The following BCL6 variants were observed in gnomAD, a reference collection of about 807,000 sequenced individuals.
BCL6 encodes B-cell lymphoma 6 protein.
BCL6 carries 7 observed loss-of-function variants against 59.5 expected under a neutral mutation model. The ratio of observed to expected loss-of-function variants is 0.12; its 90% CI spans 0.07 to 0.22. The LOEUF (loss-of-function observed/expected upper bound fraction) is 0.22. Ranked by LOEUF, BCL6 falls within the 10% of genes least tolerant of loss-of-function variation. BCL6 has a pLI of 1.00. For missense variants in BCL6, 685 were observed against 939.4 expected (o/e 0.73, Z 3.54); for synonymous variants, 339 against 349.7 (o/e 0.97, Z 0.34).
intron 1 of BCL6, among the ~76,000 whole-genome samples, chr3:187,738,496 C>A (rs1579825165): frequency 6.6e-6 from 1 of 152,356 alleles, no homozygotes; most frequent in Non-Finnish European, 1.5e-5. Context: ...TCCCCGAAAC[C>A]GTAGAGACAC....
At chr3:187,741,913 G>T (rs6782256) in intron 1 of BCL6, among the ~76,000 whole-genome samples, 3,748 of 151,938 alleles carry the variant, frequency 0.025, 78 homozygotes, top group African/African-American at 0.058. Flanking sequence ...AATCCAAGGG[G>T]AAGGCCGGGC....
chr3:187,743,803 G>A (rs1463839385), intron 1 of BCL6, among the ~76,000 whole-genome samples: 1 of 150,476 alleles, frequency 6.6e-6, no homozygotes, highest in Admixed American at 6.6e-5. Context: ...CCCTCCCCGG[G>A]CCGCCGCCGC....
intron 1 of BCL6, 142 bp downstream of exon 1, chr3:187,745,268 A>T (rs1436065384): frequency 2.5e-6 from 1 of 398,446 alleles, no homozygotes; most frequent in Admixed American, 4.4e-5. Flanking sequence ...CTTGGAGCCA[A>T]AGCATTTGGC....
intron 1 of BCL6, among the ~76,000 whole-genome samples, chr3:187,745,080 G>T: frequency 6.6e-6 from 1 of 151,866 alleles, no homozygotes; most frequent in East Asian, 1.9e-4. Flanking sequence ...AGGGAGGGTG[G>T]CAAAAGCCTC....
At chr3:187,726,966 C>G in intron 6 of BCL6, 68 bp from the exon 7 acceptor site, 2 of 1,553,960 alleles carry the variant, frequency 1.3e-6, no homozygotes, top group Admixed American at 3.4e-5. Flanking sequence ...TAAGGCCGCT[C>G]TCCTCTGTAG....
intron 1 of BCL6, among the ~76,000 whole-genome samples, chr3:187,742,959 G>T (rs1190290708): frequency 6.6e-6 from 1 of 152,050 alleles, no homozygotes. Context: ...AGTGCCAAAG[G>T]CTCTTGGTAG....
At position 187,728,062 on chromosome 3, in the gene BCL6, C is replaced by T. The variant is rs111299902; in HGVS notation, c.1540+298G>A. 1.3e-3 allele frequency among the ~76,000 whole-genome samples: 199 copies of T among 152,296 alleles called. 1 individual carries two copies. The highest frequency in any genetic ancestry group is 4.6e-3 in the African/African-American group (191 of 41,562). On this transcript the variant is annotated intron_variant, in intron 6 of 9. Transcript: ENST00000406870. The stretch of plus-strand genomic sequence containing the variant: ...TTTTGGTATAGAGGAATGGAGAAAG[C>T]TCTGGGAGTTACAGCCAGCCCCACA...
At chr3:187,722,623 A>G in intron 9 of BCL6, 22 bp from the exon 10 acceptor site, 1 of 1,608,264 alleles carries the variant, frequency 6.2e-7, no homozygotes, top group South Asian at 1.1e-5. Flanking sequence ...TCAGAGGCAA[A>G]CTGTTAGCTG....
At chr3:187,744,658 A>T in intron 1 of BCL6, among the ~76,000 whole-genome samples, 2 of 152,220 alleles carry the variant, frequency 1.3e-5, no homozygotes, top group East Asian at 3.9e-4. Context: ...CAGGGAATCT[A>T]AAAGACCGAG....
Position 187,733,688 on chromosome 3 carries a change from G to C in BCL6, c.6C>G (p.Ala2=). M[A]SPADSCIQFT... ...ACTGGATACAGCTGTCAGCCGGCGA[G>C]GCCATTTTGTCTTCACTTGAAAAAA... Residue 2 remains alanine, a synonymous_variant, in exon 3 of 10, where the codon GCC becomes GCG. Coordinates refer to ENST00000406870, the MANE Select transcript of BCL6 (RefSeq NM_001706.5). The C allele has an allele frequency of 6.2e-7, 1 of 1,614,076 alleles. No homozygotes were observed. Among genetic ancestry groups the C allele is most frequent in the Non-Finnish European group, 8.5e-7 (1 of 1,179,976 alleles).
rs1182456613 is a variant in BCL6, at chr3:187,722,481, G to A, written c.2098C>T (p.Pro700Ser). 6.2e-7 allele frequency: 1 copy of A among 1,613,438 alleles called. No homozygotes were observed. Among genetic ancestry groups the A allele is most frequent in the Non-Finnish European group, 8.5e-7 (1 of 1,179,930 alleles). The change falls in exon 10 of 10, where the codon CCG becomes TCG. Residue 700 changes from proline (P) to serine (S), a missense_variant. By Grantham distance (74) the Pro-to-Ser change is moderately conservative (BLOSUM62 -1). Transcript: ENST00000406870. ...QYRVSATDLP[P>S]ELPKAC ...CTTCAGCAGGCTTTGGGGAGCTCCG[G>A]AGGCAGGTCAGTGGCTGACACGCGG...
intron 1 of BCL6, among the ~76,000 whole-genome samples, chr3:187,735,255 G>C (rs1298404110): frequency 6.6e-6 from 1 of 152,132 alleles, no homozygotes; most frequent in Non-Finnish European, 1.5e-5. Context: ...TAAGAAAAAT[G>C]GTTCTGTCAA....
At position 187,725,008 on chromosome 3, in the gene BCL6, G is replaced by A; in HGVS notation, c.1910C>T (p.Thr637Ile). ...EKPYPCEICG[T>I]RFRHLQTLKS... ...CAGAGTCTGAAGGTGCCGGAAACGG[G>A]TGCCACAGATTTCACAGGGATAGGG... Residue 637 changes from threonine (T) to isoleucine (I), a missense_variant, in exon 9 of 10, where the codon ACC (threonine) becomes ATC (isoleucine). Physicochemically the swap from Thr to Ile is moderately conservative, Grantham distance 89 (BLOSUM62 -1). Transcript: ENST00000406870. This position sits in a 1 kb window ranked among gnomAD's most constrained non-coding sequence, Gnocchi z 4.7. The A allele has an allele frequency of 1.2e-6, 2 of 1,614,232 alleles. No homozygotes were observed. The highest frequency in any genetic ancestry group is 1.7e-6 in the Non-Finnish European group (2 of 1,180,034).
Position 187,742,760 on chromosome 3 carries a change from T to C in BCL6, c.-50+2650A>G, listed in dbSNP as rs531071114. 1.8e-4 allele frequency among the ~76,000 whole-genome samples: 28 copies of C among 152,320 alleles called. No individual in the cohort carries two copies. The South Asian group carries it at 5.8e-3, about 32-fold the overall frequency. On this transcript the variant is annotated intron_variant, in intron 1 of 9. Coordinates refer to ENST00000406870, the MANE Select transcript of BCL6 (RefSeq NM_001706.5). ...TAAGGGAATGCCCATCTCCTGGTAC[T>C]TGTTCGCCATTTCCTCCTCCCCCAG...
intron 1 of BCL6, among the ~76,000 whole-genome samples, chr3:187,741,275 C>A (rs1470587557): frequency 3.3e-5 from 5 of 152,314 alleles, no homozygotes; most frequent in African/African-American, 1.2e-4. Flanking sequence ...AAGTTGATTT[C>A]TCCCCCAGCC....
At chr3:187,738,301 CA>C (rs1719384885) in intron 1 of BCL6, among the ~76,000 whole-genome samples, 1 of 152,196 alleles carries the variant, frequency 6.6e-6, no homozygotes, top group Non-Finnish European at 1.5e-5. Flanking sequence ...ACTTCAAGGT[CA>C]AAAGATGGAG....
chr3:187,740,505 T>C (rs1711547332), intron 1 of BCL6, among the ~76,000 whole-genome samples: 1 of 152,126 alleles, frequency 6.6e-6, no homozygotes, highest in Non-Finnish European at 1.5e-5. Flanking sequence ...GCAACAAAGG[T>C]GACCTAAGAG....
chr3:187,727,663 C>T (rs1397861038), intron 6 of BCL6, among the ~76,000 whole-genome samples: 1 of 152,186 alleles, frequency 6.6e-6, no homozygotes, highest in Non-Finnish European at 1.5e-5. Context: ...GGGTCCATGA[C>T]CCTGTGCCAA....
At chr3:187,745,039 C>G (rs574118974) in intron 1 of BCL6, among the ~76,000 whole-genome samples, 4 of 152,090 alleles carry the variant, frequency 2.6e-5, no homozygotes, top group East Asian at 3.9e-4. Context: ...TTCCTCTCCT[C>G]CACCTCCTTT....
Sources: gnomAD v4.1 joint callset for allele counts (sites outside exome capture counted in the v4.1 genomes callset) on GRCh38, gnomAD v4.1.1 for gene constraint, Gnocchi (gnomAD v3.1) non-coding constraint, MANE v1.5 for transcripts, NCBI Gene and HGNC (gene_info 2026-07-23, HGNC 2026-07-21) for gene names.